TAS1R1: variants seen among roughly 807,000 people sequenced by gnomAD.
TAS1R1 encodes taste receptor type 1 member 1.
TAS1R1 carries 31 observed loss-of-function variants against 45.8 expected under a neutral mutation model. That is an observed-to-expected ratio of 0.68 (90% CI 0.51 to 0.91). The LOEUF is 0.91. TAS1R1 is among the 40% of genes least tolerant of loss of function. The probability of loss-of-function intolerance (pLI) is 0.00; values close to 1 mark genes in which losing one functional copy is unlikely to be tolerated. For missense variants in TAS1R1, 1,051 were observed against 1,063.9 expected (o/e 0.99, Z 0.17); for synonymous variants, 437 against 448.4 (o/e 0.97, Z 0.32).
rs1458738832 is a variant in TAS1R1 at position 6,574,191 on chromosome 1, C to T, written c.499-440C>T. On this transcript the variant is annotated intron_variant, in intron 2 of 5. Coordinates refer to ENST00000333172, the MANE Select transcript of TAS1R1 (RefSeq NM_138697.4). The surrounding 1 kb of genome is among the most constrained non-coding windows in gnomAD (Gnocchi z 4.3). ...ACAAGAATCTGATGCTGCTGCTGAT[C>T]TGACAGGAGGGGAGCAGCTGTAAAT... 6.6e-6 allele frequency among the ~76,000 whole-genome samples: 1 copy of T among 152,110 alleles called. No individual in the cohort carries two copies. Among genetic ancestry groups the T allele is most frequent in the East Asian group, 1.9e-4 (1 of 5,192 alleles).
rs1640102974 is a variant in TAS1R1, at chr1:6,574,474, GC to G, written c.499-153del. ...GATTCCCACCCCTCCCCCAGAACCT[GC>G]CCCAGTGGAGCCTTCGCAGGTGATT... On this transcript the variant is annotated intron_variant, in intron 2 of 5. Coordinates refer to ENST00000333172, the MANE Select transcript of TAS1R1 (RefSeq NM_138697.4). This position sits in a 1 kb window ranked among gnomAD's most constrained non-coding sequence, Gnocchi z 4.3. Among the ~76,000 whole-genome samples the G allele has an allele frequency of 6.6e-6, 1 of 152,144 alleles. No homozygotes were observed. Among genetic ancestry groups the G allele is most frequent in the Non-Finnish European group, 1.5e-5 (1 of 68,032 alleles).
intron 1 of TAS1R1, among the ~76,000 whole-genome samples, chr1:6,562,892 G>A (rs568423903): frequency 1.3e-5 from 2 of 152,326 alleles, no homozygotes; most frequent in South Asian, 2.1e-4. Flanking sequence ...CACCTGCCTA[G>A]GGTGCTTGCT....
chr1:6,578,562 G>A, intron 5 of TAS1R1, 91 bp from the exon 6 acceptor site: 2 of 1,507,480 alleles, frequency 1.3e-6, no homozygotes, highest in Non-Finnish European at 1.8e-6. Flanking sequence ...AGCTGCCCTG[G>A]TACAATTCTC....
At chr1:6,576,734 C>A in intron 4 of TAS1R1, 107 bp downstream of exon 4, 1 of 1,401,864 alleles carries the variant, frequency 7.1e-7, no homozygotes, top group South Asian at 1.3e-5. Flanking sequence ...CCCCAGGGGT[C>A]CAGCTGCCAC....
At chr1:6,567,610 T>C (rs1212027858) in intron 1 of TAS1R1, among the ~76,000 whole-genome samples, 1 of 151,268 alleles carries the variant, frequency 6.6e-6, no homozygotes, top group Non-Finnish European at 1.5e-5. Flanking sequence ...CTAGCAGAGT[T>C]ACCCTGGGCT....
chr1:6,568,068 CTTG>C (rs1315432371), intron 1 of TAS1R1, among the ~76,000 whole-genome samples: 1 of 152,044 alleles, frequency 6.6e-6, no homozygotes, highest in Non-Finnish European at 1.5e-5. Flanking sequence ...TTAAGGAGGT[CTTG>C]TTGTGGGGTT....
At chr1:6,568,411 C>T (rs1415266264) in intron 1 of TAS1R1, among the ~76,000 whole-genome samples, 3 of 150,410 alleles carry the variant, frequency 2.0e-5, no homozygotes, top group African/African-American at 4.9e-5. Flanking sequence ...GCCGAGATTG[C>T]GCCACTGCAC....
At chr1:6,573,411 C>G (rs1640071147) in intron 2 of TAS1R1, among the ~76,000 whole-genome samples, 1 of 152,036 alleles carries the variant, frequency 6.6e-6, no homozygotes, top group Non-Finnish European at 1.5e-5. Flanking sequence ...GAGCCAAGAT[C>G]ACGCCACCGC....
intron 1 of TAS1R1, among the ~76,000 whole-genome samples, chr1:6,567,144 G>GA (rs1350383203): frequency 2.6e-5 from 4 of 152,300 alleles, no homozygotes; most frequent in South Asian, 4.1e-4. Context: ...AAGACTATGA[G>GA]AAAATGGTAT....
rs774765069 is a variant in TAS1R1, at chr1:6,578,704, G to A, written c.1646G>A (p.Ser549Asn). The A allele has an allele frequency of 1.2e-6, 2 of 1,606,950 alleles. No homozygotes were observed. The highest frequency in any genetic ancestry group is 1.3e-5 in the African/African-American group (1 of 74,810). ...AAAGAAGAGTGGGCACCTGAGGGAA[G>A]CCAGACCTGCTTCCCGCGCACTGTG... ...CGKEEWAPEG[S>N]QTCFPRTVVF... is the part of the protein sequence containing the mutation. The change falls in exon 6 of 6, where the codon AGC (serine) becomes AAC (asparagine). Residue 549 changes from serine to asparagine, a missense_variant. Coordinates refer to ENST00000333172, the MANE Select transcript of TAS1R1 (RefSeq NM_138697.4).
intron 1 of TAS1R1, among the ~76,000 whole-genome samples, chr1:6,564,556 G>C (rs183998426): frequency 6.6e-6 from 1 of 152,158 alleles, no homozygotes; most frequent in African/African-American, 2.4e-5. Flanking sequence ...TTGGTTAACT[G>C]AGTTTTAAGG....
intron 2 of TAS1R1, among the ~76,000 whole-genome samples, chr1:6,573,387 G>A (rs1275876369): frequency 1.3e-5 from 2 of 152,070 alleles, no homozygotes; most frequent in African/African-American, 2.4e-5. Context: ...AACCCAGGAG[G>A]CAGGGGTTGC....
At chr1:6,578,503 T>G in intron 5 of TAS1R1, 150 bp from the exon 6 acceptor site, 1 of 1,398,214 alleles carries the variant, frequency 7.2e-7, no homozygotes, top group Non-Finnish European at 9.4e-7. Context: ...ATGCGTGGCC[T>G]CAGGCCCCAC....
chr1:6,565,450 G>A (rs978524664), intron 1 of TAS1R1, among the ~76,000 whole-genome samples: 2 of 152,126 alleles, frequency 1.3e-5, no homozygotes, highest in African/African-American at 2.4e-5. Flanking sequence ...GTATTGTATA[G>A]TTGTTTAGAA....
intron 1 of TAS1R1, among the ~76,000 whole-genome samples, chr1:6,563,323 CAG>C (rs1639819297): frequency 6.6e-6 from 1 of 152,180 alleles, no homozygotes; most frequent in Non-Finnish European, 1.5e-5. Context: ...TGGATACACA[CAG>C]GGGCTTGGAA....
rs187227715 is a variant in TAS1R1 at position 6,574,496 on chromosome 1, T to G, written c.499-135T>G. The G allele has an allele frequency of 5.3e-6, 6 of 1,138,438 alleles. No homozygotes were observed. In the African/African-American group the frequency reaches 7.8e-5, roughly 15 times the overall value. The allele number at this position is 1,138,438 out of a possible 1,614,324, so 70.5% of individuals were successfully genotyped here. A position where few individuals can be genotyped will look rare whatever the true frequency, so the allele number is the denominator to read the frequency against. ...CCTGCCCCAGTGGAGCCTTCGCAGGTGATTTGTCAGTTTCACAGGCTGAGG... is the reference window on the plus strand; with the variant it reads ...CCTGCCCCAGTGGAGCCTTCGCAGGGGATTTGTCAGTTTCACAGGCTGAGG... On this transcript the variant is annotated intron_variant, in intron 2 of 5. Transcript: ENST00000333172. This position sits in a 1 kb window ranked among gnomAD's most constrained non-coding sequence, Gnocchi z 4.3.
intron 1 of TAS1R1, among the ~76,000 whole-genome samples, chr1:6,562,189 G>T (rs1639801151): frequency 6.6e-6 from 1 of 152,202 alleles, no homozygotes; most frequent in South Asian, 2.1e-4. Context: ...TTGTTTTTGA[G>T]ACGGAGTCTC....
chr1:6,556,480 A>G (rs1255617102), intron 1 of TAS1R1, among the ~76,000 whole-genome samples: 1 of 151,984 alleles, frequency 6.6e-6, no homozygotes, highest in Admixed American at 6.6e-5. Context: ...GACTCACTGC[A>G]ACCTCCTCCT....
intron 5 of TAS1R1, among the ~76,000 whole-genome samples, chr1:6,577,622 C>G (rs187372318): frequency 2.0e-5 from 3 of 151,460 alleles, no homozygotes; most frequent in Non-Finnish European, 4.4e-5. Flanking sequence ...GTCAGGAGTT[C>G]GAGACCAGCC....
Sources: gnomAD v4.1 joint callset for allele counts (sites outside exome capture counted in the v4.1 genomes callset) on GRCh38, gnomAD v4.1.1 for gene constraint, Gnocchi (gnomAD v3.1) non-coding constraint, MANE v1.5 for transcripts, NCBI Gene and HGNC (gene_info 2026-07-23, HGNC 2026-07-21) for gene names.